IGSF5: variants seen among roughly 807,000 people sequenced by gnomAD.
IGSF5 encodes immunoglobulin superfamily member 5.
Under a neutral mutation model 39.4 loss-of-function variants are expected in IGSF5, and 41 were observed. That is an observed-to-expected ratio of 1.04 (90% confidence interval 0.81 to 1.35). The LOEUF (loss-of-function observed/expected upper bound fraction) is 1.35. Ranked by LOEUF, IGSF5 falls within the 40% of genes most tolerant of loss-of-function variation. IGSF5 has a pLI of 0.00. For synonymous variants in IGSF5, 183 were observed against 175.3 expected (o/e 1.04, Z -0.34); for missense variants, 487 against 494.6 (o/e 0.98, Z 0.15).
the IGSF5 span, among the ~76,000 whole-genome samples, chr21:39,717,651 A>G: frequency 6.6e-6 from 1 of 152,180 alleles, no homozygotes; most frequent in East Asian, 1.9e-4. Flanking sequence ...AGATGGTCGT[A>G]GATGTGCAGC....
upstream of IGSF5, among the ~76,000 whole-genome samples, chr21:39,745,157 ATCTC>A (rs35473597): frequency 2.1e-5 from 3 of 145,646 alleles, no homozygotes; most frequent in African/African-American, 5.2e-5. Context: ...CTCTCTCTTC[ATCTC>A]TCTCTCTCTC....
chr21:39,782,230 A>T (rs1483765730), intron 5 of IGSF5, among the ~76,000 whole-genome samples: 1 of 152,106 alleles, frequency 6.6e-6, no homozygotes, highest in Non-Finnish European at 1.5e-5. Flanking sequence ...TTTTAATTAT[A>T]GAAGTTTTAT....
At chr21:39,714,935 C>T in the IGSF5 span, among the ~76,000 whole-genome samples, 1 of 152,074 alleles carries the variant, frequency 6.6e-6, no homozygotes, top group Non-Finnish European at 1.5e-5. Context: ...TGTGCCCACC[C>T]CAATTACACA....
upstream of IGSF5, among the ~76,000 whole-genome samples, chr21:39,744,514 AC>A (rs1427950237): frequency 6.6e-6 from 1 of 152,076 alleles, no homozygotes; most frequent in African/African-American, 2.4e-5. Context: ...ATTACTGAAT[AC>A]CCATTGTGTT....
intron 3 of IGSF5, among the ~76,000 whole-genome samples, chr21:39,770,485 G>A (rs566351143): frequency 6.6e-6 from 1 of 152,164 alleles, no homozygotes; most frequent in East Asian, 1.9e-4. Context: ...TCTGACCCTG[G>A]GCTGTGTCCT....
rs191235167 is a variant in IGSF5, at chr21:39,801,256, T to C, written c.1129-6T>C. ...TAAATTGACTTTTTTCCTCCTCTGT[T>C]GCCAGCGGGCTGATCAACGTCCACC... On this transcript the variant is annotated splice_region_variant and splice_polypyrimidine_tract_variant and intron_variant, in intron 8 of 8. Coordinates refer to ENST00000380588, the MANE Select transcript of IGSF5 (RefSeq NM_001080444.2). 6.2e-7 allele frequency: 1 copy of C among 1,613,256 alleles called. No homozygotes were observed. Among genetic ancestry groups the C allele is most frequent in the African/African-American group, 1.3e-5 (1 of 75,046 alleles).
chr21:39,733,054 TA>T, the IGSF5 span, among the ~76,000 whole-genome samples: 6 of 151,646 alleles, frequency 4.0e-5, no homozygotes, highest in Non-Finnish European at 8.8e-5. Flanking sequence ...TTAAAAAAAT[TA>T]AAAAGTTAAA....
chr21:39,780,987 T>C (rs927831669), intron 5 of IGSF5, among the ~76,000 whole-genome samples: 1 of 152,242 alleles, frequency 6.6e-6, no homozygotes, highest in African/African-American at 2.4e-5. Context: ...TTAAGTTTTA[T>C]TAACACTAAC....
intron 2 of IGSF5, among the ~76,000 whole-genome samples, chr21:39,754,439 C>A (rs1379231944): frequency 1.3e-5 from 2 of 152,154 alleles, no homozygotes; most frequent in Non-Finnish European, 2.9e-5. Context: ...CCAAACATGA[C>A]ATTTTCTGCC....
intron 2 of IGSF5, among the ~76,000 whole-genome samples, chr21:39,750,258 A>G (rs2079998417): frequency 2.6e-5 from 4 of 152,146 alleles, no homozygotes; most frequent in African/African-American, 9.7e-5. Flanking sequence ...GTCTTTAAAT[A>G]TGTTAGCTAT....
intron 4 of IGSF5, among the ~76,000 whole-genome samples, chr21:39,776,391 C>T (rs1011462410): frequency 6.6e-6 from 1 of 152,068 alleles, no homozygotes; most frequent in African/African-American, 2.4e-5. Context: ...GAACATTTGC[C>T]TTCCAATGGA....
At chr21:39,746,791 A>C (rs1325402196) in intron 2 of IGSF5, among the ~76,000 whole-genome samples, 1 of 148,248 alleles carries the variant, frequency 6.7e-6, no homozygotes, top group Non-Finnish European at 1.5e-5. Flanking sequence ...CATTGTTATC[A>C]TTATTATTAT....
At chr21:39,758,928 C>G (rs2080046881) in intron 2 of IGSF5, among the ~76,000 whole-genome samples, 1 of 152,198 alleles carries the variant, frequency 6.6e-6, no homozygotes, top group Non-Finnish European at 1.5e-5. Context: ...CATAAAGGTA[C>G]AGCTGGACGA....
At chr21:39,733,027 AAAT>A in the IGSF5 span, among the ~76,000 whole-genome samples, 1 of 152,168 alleles carries the variant, frequency 6.6e-6, no homozygotes, top group Non-Finnish European at 1.5e-5. Flanking sequence ...CCCTGTCTCA[AAAT>A]AATAATAATA....
chr21:39,759,064 A>T (rs900755150), intron 2 of IGSF5, among the ~76,000 whole-genome samples: 6 of 146,970 alleles, frequency 4.1e-5, no homozygotes, highest in Non-Finnish European at 9.0e-5. Context: ...CTGTGTAGAC[A>T]TGTTTTGCTT....
chr21:39,761,118 T>A (rs1414526568), intron 2 of IGSF5, among the ~76,000 whole-genome samples: 1 of 152,164 alleles, frequency 6.6e-6, no homozygotes, highest in Admixed American at 6.5e-5. Flanking sequence ...TACAACCATC[T>A]GACCTTTGAC....
At chr21:39,792,249 C>T (rs1259923212) in intron 7 of IGSF5, 150 bp downstream of exon 7, 16 of 592,930 alleles carry the variant, frequency 2.7e-5, no homozygotes, top group African/African-American at 1.7e-4. Context: ...AATTCTAGAA[C>T]TTGGAATACT....
the IGSF5 span, chr21:39,730,574 G>A: frequency 6.6e-6 from 1 of 152,028 alleles, no homozygotes; most frequent in Non-Finnish European, 1.5e-5. Context: ...TAACATCCAG[G>A]GAGTTCGTTT....
chr21:39,794,370 C>A (rs2086983100), intron 8 of IGSF5, among the ~76,000 whole-genome samples: 1 of 152,030 alleles, frequency 6.6e-6, no homozygotes, highest in African/African-American at 2.4e-5. Flanking sequence ...GTCTGCAGTT[C>A]CAGGGAGAGG....
Sources: allele counts gnomAD v4.1 joint callset (sites outside exome capture counted in the v4.1 genomes callset), GRCh38; gene constraint gnomAD v4.1.1; transcripts MANE v1.5; gene names NCBI Gene and HGNC (gene_info 2026-07-23, HGNC 2026-07-21).